Variants in PGS1 observed in about 807,000 individuals in gnomAD.
PGS1 encodes the protein phosphatidylglycerophosphate synthase 1, also known as CDP-diacylglycerol--glycerol-3-phosphate 3-phosphatidyltransferase, mitochondrial.
In PGS1, 44 loss-of-function variants were observed where a neutral mutation model predicts 58.3. That is an observed-to-expected ratio of 0.75 (90% CI 0.59 to 0.97). The LOEUF (loss-of-function observed/expected upper bound fraction) is 0.97, where lower values mean the gene tolerates loss of function less well. Among genes scored for constraint, PGS1 ranks in the 50% least tolerant of loss-of-function variants. PGS1 has a pLI of 0.00. For missense variants in PGS1, 684 were observed against 731.1 expected, an observed-to-expected ratio of 0.94 and a Z score of 0.74; for synonymous variants, 330 against 311.0, an observed-to-expected ratio of 1.06 and a Z score of -0.64.
At chr17:78,399,295 G>T in intron 4 of PGS1, 53 bp from the exon 5 acceptor site, 1 of 1,444,928 alleles carries the variant, frequency 6.9e-7, no homozygotes, top group Non-Finnish European at 9.7e-7. Context: ...CTCATTGGGG[G>T]CAGGACGCCT....
chr17:78,407,710 G>T (rs938166437), intron 7 of PGS1, among the ~76,000 whole-genome samples: 3 of 152,230 alleles, frequency 2.0e-5, no homozygotes, highest in Non-Finnish European at 4.4e-5. Flanking sequence ...CTAGATCCTT[G>T]CCCCTCAGAC....
At chr17:78,415,912 C>A (rs956577838) in intron 8 of PGS1, among the ~76,000 whole-genome samples, 5 of 152,246 alleles carry the variant, frequency 3.3e-5, no homozygotes, top group African/African-American at 1.2e-4. Context: ...CCTGGAGATG[C>A]AGATAACACT....
Position 78,392,549 on chromosome 17 carries a change from T to C in PGS1, c.217T>C (p.Cys73Arg), listed in dbSNP as rs1190232350. 4 of 1,614,046 alleles carry C rather than the reference T, an allele frequency of 2.5e-6. No individual in the cohort carries two copies. The highest frequency in any genetic ancestry group is 1.7e-5 in the Admixed American group (1 of 60,006). ...GGTCACCTCCCCACCTTGCTGCCTG[T>C]GTCCAGAAGGCGTGCACCGGTTCCA... is the stretch of plus-strand genomic sequence containing the variant. Reference protein sequence around the residue: ...PQVTSPPCCLCPEGVHRFQWI... With the variant: ...PQVTSPPCCLRPEGVHRFQWI... The change falls in exon 2 of 10, where the codon TGT (cysteine) becomes CGT (arginine). Residue 73 changes from cysteine to arginine, a missense_variant. By Grantham distance (180) the Cys-to-Arg change is radical. Coordinates refer to ENST00000262764, the MANE Select transcript of PGS1 (RefSeq NM_024419.5).
chr17:78,416,327 G>A (rs192723635), intron 8 of PGS1, among the ~76,000 whole-genome samples: 1 of 152,368 alleles, frequency 6.6e-6, no homozygotes, highest in African/African-American at 2.4e-5. Context: ...ACCTGAGCCT[G>A]CAGCTTTCAA....
rs2081804456 is a variant in PGS1, at chr17:78,378,670, C to CGGT, written c.8_10dup (p.Val3dup). 6.5e-7 allele frequency: 1 copy of CGGT among 1,533,208 alleles called. No individual in the cohort carries two copies. Among genetic ancestry groups the CGGT allele is most frequent in the South Asian group, 1.2e-5 (1 of 82,986 alleles). The allele number at this position is 1,533,208 out of a possible 1,614,324, so 95.0% of individuals were successfully genotyped here. A position where few individuals can be genotyped will look rare whatever the true frequency, so the allele number is the denominator to read the frequency against. ...AAGCGGAAGCGGCGAGTCTCCATGG[C>CGGT]GGTGGCGGCGGCAGCTGCGGCGGGA... is the stretch of plus-strand genomic sequence containing the variant. On this transcript the variant is annotated inframe_insertion, in exon 1 of 10. Transcript: ENST00000262764.
intron 7 of PGS1, among the ~76,000 whole-genome samples, chr17:78,411,061 A>T (rs943981192): frequency 6.6e-6 from 1 of 152,302 alleles, no homozygotes; most frequent in South Asian, 2.1e-4. Flanking sequence ...ATCTGTTACA[A>T]GGGGGCTCAG....
intron 1 of PGS1, among the ~76,000 whole-genome samples, chr17:78,389,822 G>C (rs1156390357): frequency 6.6e-6 from 1 of 151,840 alleles, no homozygotes; most frequent in Non-Finnish European, 1.5e-5. Context: ...CACCATATTG[G>C]CCAGGCTGGT....
At chr17:78,386,869 C>A (rs12938284) in intron 1 of PGS1, among the ~76,000 whole-genome samples, 21,435 of 152,098 alleles carry the variant, frequency 0.14, 2,034 homozygotes, top group Non-Finnish European at 0.21. Flanking sequence ...AAAAATAGGT[C>A]CCTGAGCAGC....
chr17:78,414,428 G>C (rs1047562252), intron 7 of PGS1, among the ~76,000 whole-genome samples: 1 of 152,224 alleles, frequency 6.6e-6, no homozygotes, highest in Admixed American at 6.5e-5. Flanking sequence ...GGCCAGTGCA[G>C]GCTCTGAGCT....
intron 1 of PGS1, among the ~76,000 whole-genome samples, chr17:78,380,202 T>G (rs748250374): frequency 5.9e-5 from 9 of 152,040 alleles, no homozygotes; most frequent in Non-Finnish European, 1.3e-4. Context: ...ACACTTGATC[T>G]TTAAAAAAAA....
chr17:78,396,514 T>G (rs2083238656), intron 3 of PGS1, 129 bp downstream of exon 3: 1 of 679,124 alleles, frequency 1.5e-6, no homozygotes, highest in African/African-American at 1.8e-5. Flanking sequence ...AGCTCTTGTT[T>G]TTGTTGCCCC....
intron 1 of PGS1, among the ~76,000 whole-genome samples, chr17:78,390,088 A>G (rs1362872024): frequency 5.2e-5 from 2 of 38,104 alleles, no homozygotes; most frequent in Admixed American, 6.2e-4. Flanking sequence ...ATGTTTCATT[A>G]GTGAATATGA....
At chr17:78,408,419 A>G (rs2084341954) in intron 7 of PGS1, among the ~76,000 whole-genome samples, 1 of 151,986 alleles carries the variant, frequency 6.6e-6, no homozygotes, top group South Asian at 2.1e-4. Flanking sequence ...AGTCGGGGGG[A>G]TGGCTCTAGA....
At chr17:78,397,482 G>A (rs1024675328) in intron 3 of PGS1, among the ~76,000 whole-genome samples, 2 of 151,970 alleles carry the variant, frequency 1.3e-5, no homozygotes, top group Non-Finnish European at 2.9e-5. Context: ...TGTTGCCCAG[G>A]CTGGAGTGCA....
intron 1 of PGS1, among the ~76,000 whole-genome samples, chr17:78,389,077 C>CT (rs1452840209): frequency 1.4e-3 from 46 of 33,862 alleles, no homozygotes; most frequent in African/African-American, 6.3e-3. Flanking sequence ...TTTTTTTTTG[C>CT]GGGGGGACAG....
chr17:78,378,781 G>A lies in PGS1; in HGVS notation c.116G>A (p.Gly39Asp), dbSNP rs1258176287. Reference protein sequence around the residue: ...ALLGRLSDRLGRNRDRQRRRS... With the variant: ...ALLGRLSDRLDRNRDRQRRRS... ...CTGGGACGCCTGTCCGACCGCCTCG[G>A]CAGGAACCGGGACCGCCAGCGCAGG... is the stretch of plus-strand genomic sequence containing the variant. The change falls in exon 1 of 10, where the codon GGC (glycine) becomes GAC (aspartate). Residue 39 changes from glycine to aspartate, a missense_variant. Transcript: ENST00000262764. The A allele has an allele frequency of 6.7e-7, 1 of 1,485,944 alleles. No homozygotes were observed. The highest frequency in any genetic ancestry group is 1.3e-5 in the South Asian group (1 of 78,622). The allele number at this position is 1,485,944 out of a possible 1,614,324, so 92.0% of individuals were successfully genotyped here. A position where few individuals can be genotyped will look rare whatever the true frequency, so the allele number is the denominator to read the frequency against.
chr17:78,391,163 A>T (rs11657860), intron 1 of PGS1, among the ~76,000 whole-genome samples: 1 of 151,910 alleles, frequency 6.6e-6, no homozygotes, highest in African/African-American at 2.4e-5. Context: ...GGCTAGGCTT[A>T]TCTTGAACTA....
intron 3 of PGS1, among the ~76,000 whole-genome samples, chr17:78,397,086 C>T (rs1225546367): frequency 6.6e-6 from 1 of 152,228 alleles, no homozygotes; most frequent in Non-Finnish European, 1.5e-5. Context: ...TTCCCTCGGA[C>T]TTGCTGTTGT....
chr17:78,397,682 A>ACCTG (rs2083344586), intron 3 of PGS1, among the ~76,000 whole-genome samples: 5 of 151,780 alleles, frequency 3.3e-5, no homozygotes, highest in Admixed American at 6.6e-5. Flanking sequence ...TGATGTGCCC[A>ACCTG]CCTTGGCCTC....
Sources: gnomAD v4.1 joint callset for allele counts (sites outside exome capture counted in the v4.1 genomes callset) on GRCh38, gnomAD v4.1.1 for gene constraint, MANE v1.5 for transcripts, NCBI Gene and HGNC (gene_info 2026-07-23, HGNC 2026-07-21) for gene names.